The following TLR1 variants were observed in gnomAD, a reference collection of about 807,000 sequenced individuals.
The protein encoded by TLR1 is toll-like receptor 1.
Under a neutral mutation model 20.2 loss-of-function variants are expected in TLR1, and 19 were observed. The observed-to-expected ratio is 0.94, with a 90% confidence interval of 0.66 to 1.38. The LOEUF (loss-of-function observed/expected upper bound fraction) is 1.38. TLR1 is among the 40% of genes most tolerant of loss of function. The pLI, the probability that TLR1 is intolerant of heterozygous loss-of-function variation, is 0.00. For synonymous variants in TLR1, 320 were observed against 334.5 expected (o/e 0.96, Z 0.47); for missense variants, 921 against 910.0 (o/e 1.01, Z -0.16).
In TLR1 at chr4:38,798,786, G is replaced by A; in HGVS notation, c.46C>T (p.Gln16Ter). 1 of 1,608,846 alleles carries A rather than the reference G, an allele frequency of 6.2e-7. No individual in the cohort carries two copies. Among genetic ancestry groups the A allele is most frequent in the Non-Finnish European group, 8.5e-7 (1 of 1,178,426 alleles). ...TCTTCAGATAATTGTATTCTGATCT[G>A]AAGTATTAACATGAAGATAATGGCA... is the stretch of plus-strand genomic sequence containing the variant. ...HFAIIFMLIL[Q>*]IRIQLSEESE... The change falls in exon 4 of 4, where the codon CAG becomes TAG. Residue 16 changes from glutamine (Q) to a stop codon, truncating the protein, a stop_gained. Transcript: ENST00000308979. LOFTEE classifies it low-confidence loss of function (END_TRUNC).
chr4:38,793,822 T>C (rs573462004), downstream of TLR1, among the ~76,000 whole-genome samples: 1 of 151,766 alleles, frequency 6.6e-6, no homozygotes, highest in South Asian at 2.1e-4. Flanking sequence ...TGTTGGGAGA[T>C]GTACTTAGTT....
At chr4:38,796,147 T>C, downstream of TLR1, 1 of 256,768 alleles carries the variant, frequency 3.9e-6, no homozygotes, top group Non-Finnish European at 7.5e-6. Flanking sequence ...CATTTTCCAA[T>C]ATTGGCCATG....
Position 38,804,765 on chromosome 4 carries a change from G to A in TLR1, c.-248C>T, listed in dbSNP as rs1231924278. ...AATGTGTTGCTTACCAAGACAACCT[G>A]CTTGTCTGTTCCATTTGGCAGTCTG... On this transcript the variant is annotated 5_prime_UTR_variant, in exon 1 of 4. Transcript: ENST00000308979. 1 of 152,132 alleles carries A rather than the reference G, an allele frequency of 6.6e-6. No individual in the cohort carries two copies. Among genetic ancestry groups the A allele is most frequent in the African/African-American group, 2.4e-5 (1 of 41,418 alleles). The allele number at this position is 152,132 out of a possible 1,614,324, so 9.4% of individuals were successfully genotyped here.
downstream of TLR1, among the ~76,000 whole-genome samples, chr4:38,792,500 C>T (rs868842418): frequency 3.3e-5 from 5 of 152,112 alleles, no homozygotes; most frequent in South Asian, 4.1e-4. Context: ...ACTGCAGCCT[C>T]GAATGCCTGG....
At chr4:38,800,349 TGGA>T (rs1427175759) in intron 3 of TLR1, 3 of 152,088 alleles carry the variant, frequency 2.0e-5, no homozygotes, top group Admixed American at 6.5e-5. Context: ...GATGAGAGGG[TGGA>T]GAACACTGGG....
At chr4:38,793,937 G>A (rs964748883), downstream of TLR1, among the ~76,000 whole-genome samples, 1 of 151,758 alleles carries the variant, frequency 6.6e-6, no homozygotes, top group Non-Finnish European at 1.5e-5. Flanking sequence ...GAGGGAAGAC[G>A]ATGTGAAGAG....
At position 38,797,635 on chromosome 4, in the gene TLR1, A is replaced by G. The variant is rs771262277; in HGVS notation, c.1197T>C (p.Ser399=). ...KIAEMTTQMK[S]LQQLDISQNS... Reference sequence around the variant, plus strand: ...TCTGGCTAATATCCAATTGTTGCAGAGACTTCATCTGTGTAGTCATTTCAG... The same window carrying G: ...TCTGGCTAATATCCAATTGTTGCAGGGACTTCATCTGTGTAGTCATTTCAG... The change falls in exon 4 of 4, where the codon TCT becomes TCC. Residue 399 remains serine (S), a synonymous_variant. Coordinates refer to ENST00000308979, the MANE Select transcript of TLR1 (RefSeq NM_003263.4). The G allele has an allele frequency of 4.3e-6, 7 of 1,613,802 alleles. No individual in the cohort carries two copies. In the African/African-American group the frequency reaches 9.3e-5, roughly 22 times the overall value.
At chr4:38,802,599 A>C (rs1283887972) in intron 2 of TLR1, among the ~76,000 whole-genome samples, 1 of 152,232 alleles carries the variant, frequency 6.6e-6, no homozygotes, top group Non-Finnish European at 1.5e-5. Context: ...AATAAGCCCC[A>C]AGTAATAGGT....
chr4:38,797,603 A>G lies in TLR1; in HGVS notation c.1229T>C (p.Val410Ala). Residue 410 changes from valine (V) to alanine (A), a missense_variant, in exon 4 of 4, where the codon GTA (valine) becomes GCA (alanine). Transcript: ENST00000308979. ...LQQLDISQNS[V>A]SYDEKKGDCS... ...GTCTCCTTTCTTTTCATCATAGCTT[A>G]CAGAATTCTGGCTAATATCCAATTG... 1 of 1,613,750 alleles carries G rather than the reference A, an allele frequency of 6.2e-7. No individual in the cohort carries two copies. The highest frequency in any genetic ancestry group is 8.5e-7 in the Non-Finnish European group (1 of 1,179,982).
rs1384574726 is a variant in TLR1 at position 38,798,497 on chromosome 4, G to A, written c.335C>T (p.Pro112Leu). 3.4e-5 allele frequency: 55 copies of A among 1,613,960 alleles called. No individual in the cohort carries two copies. The highest frequency in any genetic ancestry group is 4.2e-5 in the Non-Finnish European group (50 of 1,180,010). Residue 112 changes from proline to leucine, a missense_variant, in exon 4 of 4, where the codon CCT becomes CTT. Pro to Leu is a moderately conservative substitution (Grantham distance 98). Transcript: ENST00000308979. ...HNKLVKISCH[P>L]TVNLKHLDLS... Reference sequence around the variant, plus strand: ...GTCCAAGTGCTTGAGGTTCACAGTAGGGTGGCAAGAAATCTTCACCAACTT... The same window carrying A: ...GTCCAAGTGCTTGAGGTTCACAGTAAGGTGGCAAGAAATCTTCACCAACTT...
In TLR1 at chr4:38,797,544, T is replaced by C. The variant is rs367870740; in HGVS notation, c.1288A>G (p.Met430Val). Residue 430 changes from methionine (M) to valine (V), a missense_variant, in exon 4 of 4, where the codon ATG (methionine) becomes GTG (valine). Transcript: ENST00000308979. ...GTGTCAGTAAGTATATTTGAAGACA[T>C]ATTTAAACTTAATAAACTTTTAGTC... ...SWTKSLLSLNMSSNILTDTIF... is the reference protein window; with the variant it reads ...SWTKSLLSLNVSSNILTDTIF... The C allele has an allele frequency of 1.2e-6, 2 of 1,613,774 alleles. No homozygotes were observed. Among genetic ancestry groups the C allele is most frequent in the East Asian group, 2.2e-5 (1 of 44,876 alleles).
upstream of TLR1, chr4:38,805,062 G>C (rs1726933324): frequency 6.6e-6 from 1 of 152,180 alleles, no homozygotes; most frequent in Non-Finnish European, 1.5e-5. Flanking sequence ...AGTAAATGAG[G>C]TAATGTTAAT....
At chr4:38,791,639 AG>A (rs1725726115), downstream of TLR1, among the ~76,000 whole-genome samples, 1 of 152,302 alleles carries the variant, frequency 6.6e-6, no homozygotes, top group Admixed American at 6.5e-5. Flanking sequence ...TAGAAAGCCC[AG>A]GATAATCTAG....
intron 2 of TLR1, among the ~76,000 whole-genome samples, chr4:38,802,552 G>C (rs1726740867): frequency 6.6e-6 from 1 of 152,232 alleles, no homozygotes; most frequent in Non-Finnish European, 1.5e-5. Context: ...GAAGAATCAG[G>C]GGAGAAGAGA....
intron 1 of TLR1, 127 bp from the exon 2 acceptor site, chr4:38,804,509 A>T (rs773045049): frequency 5.3e-5 from 8 of 152,232 alleles, no homozygotes; most frequent in Non-Finnish European, 1.0e-4. Context: ...CAACTCAAAA[A>T]TATTTCCTAT....
chr4:38,797,142 C>G lies in TLR1; in HGVS notation c.1690G>C (p.Gly564Arg). ...ATGTGAAAGTCCTTTAGTAGGGTTCCTCTATAACTTTCCGGGTAGTCACAC... is the reference window on the plus strand; with the variant it reads ...ATGTGAAAGTCCTTTAGTAGGGTTCGTCTATAACTTTCCGGGTAGTCACAC... ...YKCDYPESYR[G>R]TLLKDFHMSE... The change falls in exon 4 of 4, where the codon GGA becomes CGA. Residue 564 changes from glycine (G) to arginine (R), a missense_variant. Physicochemically the swap from Gly to Arg is moderately radical, Grantham distance 125. Coordinates refer to ENST00000308979, the MANE Select transcript of TLR1 (RefSeq NM_003263.4). The G allele has an allele frequency of 6.2e-7, 1 of 1,614,228 alleles. No homozygotes were observed. The highest frequency in any genetic ancestry group is 2.2e-5 in the East Asian group (1 of 44,872).
downstream of TLR1, among the ~76,000 whole-genome samples, chr4:38,790,153 C>T (rs190217644): frequency 3.3e-5 from 5 of 152,302 alleles, no homozygotes; most frequent in Admixed American, 3.3e-4. Context: ...TGAGTTGTTG[C>T]TATCCTGGAA....
In TLR1 at chr4:38,797,235, C is replaced by T. The variant is rs200506989; in HGVS notation, c.1597G>A (p.Gly533Arg). The T allele has an allele frequency of 1.4e-4, 218 of 1,614,056 alleles. 1 individual carries two copies. Among genetic ancestry groups the T allele is most frequent in the African/African-American group, 4.0e-4 (30 of 75,048 alleles). ...TGGTCTATATTTTTGACAAATTCTC[C>T]TAGCTCACAGGTACATTGGAATGGA... Reference protein sequence around the residue: ...DNPFQCTCELGEFVKNIDQVS... With the variant: ...DNPFQCTCELREFVKNIDQVS... The change falls in exon 4 of 4, where the codon GGA (glycine) becomes AGA (arginine). Residue 533 changes from glycine (G) to arginine (R), a missense_variant. Coordinates refer to ENST00000308979, the MANE Select transcript of TLR1 (RefSeq NM_003263.4).
At chr4:38,789,165 G>T (rs940827380), downstream of TLR1, among the ~76,000 whole-genome samples, 6 of 152,222 alleles carry the variant, frequency 3.9e-5, no homozygotes, top group Admixed American at 1.3e-4. Context: ...ACTTTACAAT[G>T]AATGGTATAC....
Sources: gnomAD v4.1 joint callset for allele counts (sites outside exome capture counted in the v4.1 genomes callset) on GRCh38, gnomAD v4.1.1 for gene constraint, MANE v1.5 for transcripts, NCBI Gene and HGNC (gene_info 2026-07-23, HGNC 2026-07-21) for gene names.